ATP10B: variants seen among roughly 807,000 people sequenced by gnomAD.
ATP10B encodes phospholipid-transporting ATPase VB.
In ATP10B, 122 loss-of-function variants were observed where a neutral mutation model predicts 141.2. The ratio of observed to expected loss-of-function variants is 0.86; its 90% CI spans 0.75 to 1.00. The LOEUF (loss-of-function observed/expected upper bound fraction) is 1.00. Among genes scored for constraint, ATP10B ranks in the 50% least tolerant of loss-of-function variants. The pLI, the probability that ATP10B is intolerant of heterozygous loss-of-function variation, is 0.00. For synonymous variants in ATP10B, 685 were observed against 692.0 expected (o/e 0.99, Z 0.16); for missense variants, 1,876 against 1,825.3 (o/e 1.03, Z -0.51).
intron 1 of ATP10B, among the ~76,000 whole-genome samples, chr5:160,809,853 T>TTC (rs1773029288): frequency 6.6e-6 from 1 of 152,316 alleles, no homozygotes; most frequent in East Asian, 1.9e-4. Flanking sequence ...TTTTTAGCTA[T>TTC]TCATTCTATT....
At chr5:160,850,083 GC>G (rs1174362134) in intron 1 of ATP10B, among the ~76,000 whole-genome samples, 7 of 152,150 alleles carry the variant, frequency 4.6e-5, no homozygotes, top group African/African-American at 1.7e-4. Context: ...TTCTGACATG[GC>G]AGAAGCTGTT....
chr5:160,846,654 G>C (rs1032832661), intron 1 of ATP10B, among the ~76,000 whole-genome samples: 2 of 152,048 alleles, frequency 1.3e-5, no homozygotes, highest in African/African-American at 4.8e-5. Context: ...GCGCTTAGTA[G>C]GTACCACCAC....
chr5:160,922,236 G>C, the ATP10B span, among the ~76,000 whole-genome samples: 2 of 152,136 alleles, frequency 1.3e-5, no homozygotes, highest in Non-Finnish European at 2.9e-5. Context: ...CTGGCACTGA[G>C]GTCTGGGTTT....
chr5:160,636,750 A>T (rs897756000), intron 10 of ATP10B, among the ~76,000 whole-genome samples: 3 of 151,700 alleles, frequency 2.0e-5, no homozygotes, highest in Admixed American at 1.3e-4. Flanking sequence ...CCATTAATCA[A>T]TTTTTCTATC....
chr5:160,612,742 T>A lies in ATP10B; in HGVS notation c.2837A>T (p.Gln946Leu), dbSNP rs766051561. 1.2e-6 allele frequency: 2 copies of A among 1,612,376 alleles called. No homozygotes were observed. The highest frequency in any genetic ancestry group is 8.5e-7 in the Non-Finnish European group (1 of 1,178,838). ...DTVYTINTEN[Q>L]ETCESILNCA... ...TATCAATACAGAGAATCACCTCACC[T>A]GATTCTCTGTATTGATGGTATAAAC... Residue 946 changes from glutamine (Q) to leucine (L), a missense_variant and splice_region_variant, in exon 18 of 26, where the codon CAG (glutamine) becomes CTG (leucine). Gln to Leu is a moderately radical substitution (Grantham distance 113, BLOSUM62 -2). Coordinates refer to ENST00000327245, the MANE Select transcript of ATP10B (RefSeq NM_025153.3).
At chr5:160,613,412 A>G (rs1204295395) in intron 17 of ATP10B, among the ~76,000 whole-genome samples, 1 of 152,238 alleles carries the variant, frequency 6.6e-6, no homozygotes, top group African/African-American at 2.4e-5. Flanking sequence ...GAGCCTTGTC[A>G]GGGCCTCAAA....
chr5:160,631,811 G>A (rs1253335423), intron 13 of ATP10B, among the ~76,000 whole-genome samples: 5 of 152,196 alleles, frequency 3.3e-5, no homozygotes, highest in Non-Finnish European at 7.3e-5. Context: ...AAGAGTTAGG[G>A]ACCTCTCAAC....
intron 2 of ATP10B, among the ~76,000 whole-genome samples, chr5:160,751,253 A>G (rs192693571): frequency 2.4e-4 from 36 of 152,120 alleles, no homozygotes; most frequent in East Asian, 2.3e-3. Context: ...CTTCCCCTCA[A>G]ATATGTCCCC....
the ATP10B span, among the ~76,000 whole-genome samples, chr5:160,894,496 A>G: frequency 6.6e-6 from 1 of 152,008 alleles, no homozygotes; most frequent in Non-Finnish European, 1.5e-5. Flanking sequence ...TGAGGACAAG[A>G]TTAGAGAAAA....
intron 7 of ATP10B, among the ~76,000 whole-genome samples, chr5:160,650,919 G>A (rs1472488571): frequency 6.6e-6 from 1 of 152,062 alleles, no homozygotes; most frequent in Non-Finnish European, 1.5e-5. Context: ...CCTCAGTTTG[G>A]TCCAGGAGCA....
intron 1 of ATP10B, among the ~76,000 whole-genome samples, chr5:160,846,061 T>C (rs898538972): frequency 1.6e-4 from 25 of 152,190 alleles, no homozygotes; most frequent in African/African-American, 4.8e-4. Flanking sequence ...ATGCACATAT[T>C]CCCTTTAAGA....
chr5:160,880,990 G>T, the ATP10B span, among the ~76,000 whole-genome samples: 1 of 152,066 alleles, frequency 6.6e-6, no homozygotes, highest in African/African-American at 2.4e-5. Flanking sequence ...AACATCAAGA[G>T]AATGAGAAGA....
At chr5:160,621,700 G>T (rs71603677) in intron 14 of ATP10B, among the ~76,000 whole-genome samples, 10,354 of 152,194 alleles carry the variant, frequency 0.068, 471 homozygotes, top group Non-Finnish European at 0.097. Flanking sequence ...GTTGCAAGTT[G>T]TACCACCTAA....
chr5:160,653,318 A>C (rs1335428242), intron 7 of ATP10B, among the ~76,000 whole-genome samples: 1 of 124,896 alleles, frequency 8.0e-6, no homozygotes, highest in Non-Finnish European at 1.6e-5. Context: ...ATACATAGGT[A>C]GTATATATAC....
intron 3 of ATP10B, among the ~76,000 whole-genome samples, chr5:160,716,320 A>G (rs947343084): frequency 6.6e-6 from 1 of 152,254 alleles, no homozygotes; most frequent in African/African-American, 2.4e-5. Flanking sequence ...AAGTACTACT[A>G]TAAGCACTTT....
In ATP10B at chr5:160,783,650, G is replaced by C. The variant is rs936861579; in HGVS notation, c.-331+1909C>G. Among the ~76,000 whole-genome samples the C allele has an allele frequency of 8.0e-5, 12 of 150,062 alleles. No homozygotes were observed. In the East Asian group the frequency reaches 1.6e-3, roughly 20 times the overall value. On this transcript the variant is annotated intron_variant, in intron 2 of 25. Coordinates refer to ENST00000327245, the MANE Select transcript of ATP10B (RefSeq NM_025153.3). Reference sequence around the variant, plus strand: ...CCACTCACTGATTGATGGGCATTTGGGTTGGTTCCATGATTTTGCAATTGC... The same window carrying C: ...CCACTCACTGATTGATGGGCATTTGCGTTGGTTCCATGATTTTGCAATTGC...
At chr5:160,640,098 A>C (rs1759723276) in intron 10 of ATP10B, among the ~76,000 whole-genome samples, 1 of 152,222 alleles carries the variant, frequency 6.6e-6, no homozygotes, top group African/African-American at 2.4e-5. Context: ...TGAACTTCTG[A>C]TCTCCAGAGC....
At chr5:160,652,867 AAT>A (rs1473029489) in intron 7 of ATP10B, among the ~76,000 whole-genome samples, 16 of 91,074 alleles carry the variant, frequency 1.8e-4, no homozygotes, top group East Asian at 2.8e-4. Flanking sequence ...AATTATATAT[AAT>A]ATATATAATA....
At chr5:160,829,013 C>T (rs1245341646) in intron 1 of ATP10B, among the ~76,000 whole-genome samples, 1 of 128,254 alleles carries the variant, frequency 7.8e-6, no homozygotes, top group African/African-American at 3.0e-5. Flanking sequence ...ACAATGAGAA[C>T]ACATGGACAC....
Sources: allele counts gnomAD v4.1 joint callset (sites outside exome capture counted in the v4.1 genomes callset), GRCh38; gene constraint gnomAD v4.1.1; transcripts MANE v1.5; gene names NCBI Gene and HGNC (gene_info 2026-07-23, HGNC 2026-07-21).